Variants in BABAM2 observed in about 807,000 individuals in gnomAD.
BABAM2 encodes the protein BRISC and BRCA1 A complex member 2.
A neutral mutation model predicts 54.7 loss-of-function variants in BABAM2; 31 were observed. The ratio of observed to expected loss-of-function variants is 0.57; its 90% CI spans 0.43 to 0.77. The LOEUF is 0.77. Among genes scored for constraint, BABAM2 ranks in the 30% least tolerant of loss-of-function variants. BABAM2 has a pLI of 0.00. For synonymous variants in BABAM2, 167 were observed against 162.9 expected, an observed-to-expected ratio of 1.03 and a Z score of -0.19; for missense variants, 364 against 455.8, an observed-to-expected ratio of 0.80 and a Z score of 1.83.
At chr2:28,229,759 G>T (rs2148036161) in intron 7 of BABAM2, among the ~76,000 whole-genome samples, 1 of 152,012 alleles carries the variant, frequency 6.6e-6, no homozygotes. Context: ...GCTAGTTTTT[G>T]TATTTTTAGT....
chr2:28,223,298 G>T (rs769510671), intron 7 of BABAM2, among the ~76,000 whole-genome samples: 1 of 152,184 alleles, frequency 6.6e-6, no homozygotes, highest in Non-Finnish European at 1.5e-5. Flanking sequence ...CTTTCCAGCT[G>T]GTTTGGGGAG....
chr2:28,132,724 C>A (rs766981168), intron 7 of BABAM2, among the ~76,000 whole-genome samples: 2 of 152,144 alleles, frequency 1.3e-5, no homozygotes, highest in Non-Finnish European at 2.9e-5. Flanking sequence ...TAGCCTTCCC[C>A]AGAGCTCTTT....
chr2:28,035,941 A>C (rs1225475313), intron 5 of BABAM2, among the ~76,000 whole-genome samples: 1 of 152,208 alleles, frequency 6.6e-6, no homozygotes, highest in Non-Finnish European at 1.5e-5. Flanking sequence ...GGATGCATCA[A>C]GTGGAAAAGA....
intron 4 of BABAM2, among the ~76,000 whole-genome samples, chr2:28,009,014 G>T (rs1178909304): frequency 6.6e-6 from 1 of 152,148 alleles, no homozygotes; most frequent in Non-Finnish European, 1.5e-5. Context: ...GCTCTAGTGG[G>T]TGGAGCTTTT....
At chr2:28,068,514 G>A (rs1414226466) in intron 6 of BABAM2, among the ~76,000 whole-genome samples, 1 of 152,150 alleles carries the variant, frequency 6.6e-6, no homozygotes, top group East Asian at 1.9e-4. Flanking sequence ...TTTGATATTA[G>A]TTTAATTGTG....
At chr2:28,092,832 C>T (rs1330442960) in intron 6 of BABAM2, among the ~76,000 whole-genome samples, 1 of 151,768 alleles carries the variant, frequency 6.6e-6, no homozygotes, top group Non-Finnish European at 1.5e-5. Flanking sequence ...CCTTACTGGA[C>T]TGTGAGCTCT....
At chr2:28,082,335 A>G (rs1665248924) in intron 6 of BABAM2, among the ~76,000 whole-genome samples, 1 of 152,228 alleles carries the variant, frequency 6.6e-6, no homozygotes, top group Non-Finnish European at 1.5e-5. Context: ...CTTTCAAAGA[A>G]ACATTTTAAA....
intron 6 of BABAM2, among the ~76,000 whole-genome samples, chr2:28,100,682 C>T (rs911987548): frequency 1.3e-5 from 2 of 151,972 alleles, no homozygotes; most frequent in Non-Finnish European, 2.9e-5. Context: ...GAAAGGAGAC[C>T]ATGACTAGAA....
intron 5 of BABAM2, among the ~76,000 whole-genome samples, chr2:28,037,325 T>G (rs1157221937): frequency 6.6e-6 from 1 of 152,202 alleles, no homozygotes; most frequent in Admixed American, 6.5e-5. Context: ...TATTATGCAC[T>G]GTTTTGGATC....
intron 11 of BABAM2, chr2:28,307,789 T>C (rs1688690645): frequency 6.6e-6 from 1 of 152,070 alleles, no homozygotes; most frequent in South Asian, 2.1e-4. Flanking sequence ...TTTCAATAAA[T>C]GTAATAAATA....
At chr2:28,267,723 C>T (rs187505294) in intron 10 of BABAM2, among the ~76,000 whole-genome samples, 5 of 152,332 alleles carry the variant, frequency 3.3e-5, no homozygotes, top group Admixed American at 2.6e-4. Flanking sequence ...TGGCAGGGGC[C>T]ATAGGGGTCA....
intron 7 of BABAM2, among the ~76,000 whole-genome samples, chr2:28,188,548 G>C (rs1333569394): frequency 6.6e-6 from 1 of 152,188 alleles, no homozygotes; most frequent in Non-Finnish European, 1.5e-5. Flanking sequence ...CCCGTAAACA[G>C]GCTCAGTCAG....
chr2:28,187,029 T>C (rs1469902282), intron 7 of BABAM2, among the ~76,000 whole-genome samples: 1 of 152,112 alleles, frequency 6.6e-6, no homozygotes, highest in African/African-American at 2.4e-5. Context: ...ATGGTCTCAA[T>C]CTCCTGACCT....
At position 28,313,698 on chromosome 2, in the gene BABAM2, G is replaced by A. The variant is rs542041749; in HGVS notation, c.1088+15207G>A. ...CTAGTAAGCCTACAGTCTGTGTGTA[G>A]CTGCAGTTAAGTTACTGCTAAATCT... On this transcript the variant is annotated intron_variant, in intron 11 of 11. Transcript: ENST00000379624. Among the ~76,000 whole-genome samples the A allele has an allele frequency of 7.9e-5, 12 of 152,264 alleles. No individual in the cohort carries two copies. In the East Asian group the frequency reaches 2.1e-3, roughly 27 times the overall value.
intron 3 of BABAM2, among the ~76,000 whole-genome samples, chr2:27,970,050 C>G (rs1255443861): frequency 6.6e-6 from 1 of 152,028 alleles, no homozygotes; most frequent in African/African-American, 2.4e-5. Context: ...CCCTTTGTAT[C>G]CTCATTTCCA....
chr2:28,023,309 G>C (rs975984816), intron 4 of BABAM2, among the ~76,000 whole-genome samples: 1 of 152,112 alleles, frequency 6.6e-6, no homozygotes, highest in African/African-American at 2.4e-5. Context: ...TTTTCTTTTT[G>C]CTCTAGTAGG....
chr2:28,281,564 C>T (rs1686364169), intron 10 of BABAM2, among the ~76,000 whole-genome samples: 1 of 152,072 alleles, frequency 6.6e-6, no homozygotes, highest in South Asian at 2.1e-4. Flanking sequence ...CAAAGTGACT[C>T]AAAGGTTTTG....
At chr2:27,898,160 T>C (rs925180303) in intron 2 of BABAM2, among the ~76,000 whole-genome samples, 1 of 152,210 alleles carries the variant, frequency 6.6e-6, no homozygotes, top group Admixed American at 6.5e-5. Context: ...AAAAATAACA[T>C]CTTTATGTCT....
At chr2:27,968,586 C>T (rs371082156) in intron 3 of BABAM2, among the ~76,000 whole-genome samples, 1 of 152,186 alleles carries the variant, frequency 6.6e-6, no homozygotes, top group Non-Finnish European at 1.5e-5. Flanking sequence ...CCTCCAGACC[C>T]CAGAATGGTA....
Sources: gnomAD v4.1 joint callset for allele counts (sites outside exome capture counted in the v4.1 genomes callset) on GRCh38, gnomAD v4.1.1 for gene constraint, MANE v1.5 for transcripts, NCBI Gene and HGNC (gene_info 2026-07-23, HGNC 2026-07-21) for gene names.